The following SULF2 variants were observed in gnomAD, a reference collection of about 807,000 sequenced individuals.
SULF2 encodes extracellular sulfatase Sulf-2.
Under a neutral mutation model 107.7 loss-of-function variants are expected in SULF2, and 52 were observed. That is an observed-to-expected ratio of 0.48 (90% confidence interval 0.39 to 0.61). The LOEUF (loss-of-function observed/expected upper bound fraction) is 0.61, where lower values mean the gene tolerates loss of function less well. Ranked by LOEUF, SULF2 falls within the 20% of genes least tolerant of loss-of-function variation. The pLI, the probability that SULF2 is intolerant of heterozygous loss-of-function variation, is 0.00. For missense variants in SULF2, 993 were observed against 1,177.3 expected (o/e 0.84, Z 2.29); for synonymous variants, 460 against 464.3 (o/e 0.99, Z 0.12).
intron 17 of SULF2, among the ~76,000 whole-genome samples, chr20:47,662,606 T>A (rs2087113127): frequency 1.3e-5 from 2 of 152,296 alleles, no homozygotes; most frequent in South Asian, 4.1e-4. Flanking sequence ...CTTTTGGTCT[T>A]GTGTGGTCCT....
intron 3 of SULF2, among the ~76,000 whole-genome samples, chr20:47,728,409 G>C (rs1379898727): frequency 1.3e-5 from 2 of 152,128 alleles, no homozygotes; most frequent in African/African-American, 4.8e-5. Context: ...AGGCTGAGAA[G>C]AAAGAGGAGG....
chr20:47,745,616 C>T (rs925648975), intron 2 of SULF2, among the ~76,000 whole-genome samples: 3 of 151,622 alleles, frequency 2.0e-5, no homozygotes, highest in Admixed American at 6.6e-5. Flanking sequence ...GCAACCTCTG[C>T]CTCCTGGGTT....
intron 8 of SULF2, among the ~76,000 whole-genome samples, 156 bp from the exon 9 acceptor site, chr20:47,677,290 T>C (rs1046590113): frequency 1.3e-5 from 2 of 152,062 alleles, no homozygotes; most frequent in African/African-American, 2.4e-5. Context: ...CACTAGAGCA[T>C]TGCCCACCCT....
chr20:47,711,176 C>A (rs955479528), intron 3 of SULF2, among the ~76,000 whole-genome samples: 5 of 152,224 alleles, frequency 3.3e-5, no homozygotes, highest in African/African-American at 1.2e-4. Context: ...CCATGCCGGG[C>A]CGGCGTAGGA....
chr20:47,733,361 C>G (rs2089658665), intron 3 of SULF2, among the ~76,000 whole-genome samples: 1 of 152,238 alleles, frequency 6.6e-6, no homozygotes, highest in Admixed American at 6.5e-5. Context: ...CTTGTGCCAT[C>G]CATTTCAATT....
At chr20:47,686,600 G>A (rs1027417560) in intron 5 of SULF2, among the ~76,000 whole-genome samples, 9 of 152,240 alleles carry the variant, frequency 5.9e-5, no homozygotes, top group Admixed American at 6.5e-5. Flanking sequence ...AAGAAGAGGA[G>A]GAAAAACAAG....
chr20:47,671,698 T>C (rs1206353035), intron 11 of SULF2, among the ~76,000 whole-genome samples: 1 of 152,124 alleles, frequency 6.6e-6, no homozygotes, highest in Non-Finnish European at 1.5e-5. Flanking sequence ...AGCCAATCAA[T>C]ACAGAACCTT....
chr20:47,686,720 G>A (rs2088016532), intron 5 of SULF2, among the ~76,000 whole-genome samples: 1 of 152,212 alleles, frequency 6.6e-6, no homozygotes, highest in African/African-American at 2.4e-5. Flanking sequence ...GCTGCCGCTG[G>A]GGTAGCTTGG....
intron 3 of SULF2, among the ~76,000 whole-genome samples, chr20:47,704,820 G>A (rs1330157322): frequency 6.6e-6 from 1 of 152,206 alleles, no homozygotes; most frequent in Non-Finnish European, 1.5e-5. Context: ...GCTTGGCCGA[G>A]AAGCCAGGAT....
In SULF2 at chr20:47,690,140, G is replaced by A. The variant is rs762972808; in HGVS notation, c.723C>T (p.Asn241=). 1.4e-4 allele frequency: 216 copies of A among 1,504,006 alleles called. No homozygotes were observed. Among genetic ancestry groups the A allele is most frequent in the Non-Finnish European group, 1.8e-4 (203 of 1,119,680 alleles). 93.2% of individuals were successfully genotyped at this position (1,504,006 alleles called of 1,614,324 possible). A position where few individuals can be genotyped will look rare whatever the true frequency, so the allele number is the denominator to read the frequency against. ...CTGAGGCTTACATGTGCTGAGATGC[G>A]TTTGGGAAGAGGCGTGAATATTGTG... ...SAPQYSRLFP[N]ASQHITPSYN... The change falls in exon 5 of 21, where the codon AAC becomes AAT. Residue 241 remains asparagine, a synonymous_variant. Transcript: ENST00000688720.
chr20:47,684,596 C>T lies in SULF2; in HGVS notation c.738-15G>A, dbSNP rs1406403081. 2.5e-6 allele frequency: 4 copies of T among 1,611,346 alleles called. No individual in the cohort carries two copies. The highest frequency in any genetic ancestry group is 8.5e-7 in the Non-Finnish European group (1 of 1,178,432). ...AGCTCGGCGTGCTGGTGGGCAAGGA[C>T]ATACACATCGGTCAAACCCAGGGAC... On this transcript the variant is annotated splice_polypyrimidine_tract_variant and intron_variant, in intron 5 of 20. Transcript: ENST00000688720.
At chr20:47,660,122 A>G (rs1259992358) in intron 18 of SULF2, among the ~76,000 whole-genome samples, 1 of 152,218 alleles carries the variant, frequency 6.6e-6, no homozygotes, top group Non-Finnish European at 1.5e-5. Context: ...TTTCCCGAGG[A>G]TGTGGCAGGA....
chr20:47,773,525 C>G (rs1160418705), intron 1 of SULF2, among the ~76,000 whole-genome samples: 1 of 152,228 alleles, frequency 6.6e-6, no homozygotes, highest in Admixed American at 6.5e-5. Context: ...GCTGGACACC[C>G]CTTTGCCCCA....
intron 3 of SULF2, among the ~76,000 whole-genome samples, chr20:47,715,754 G>A (rs2089097983): frequency 6.6e-6 from 1 of 152,040 alleles, no homozygotes; most frequent in African/African-American, 2.4e-5. Flanking sequence ...GCTAATTTTT[G>A]TATTGTTAGT....
At chr20:47,673,497 C>T (rs572295655) in intron 10 of SULF2, among the ~76,000 whole-genome samples, 15 of 152,238 alleles carry the variant, frequency 9.9e-5, no homozygotes, top group Non-Finnish European at 1.5e-5. Flanking sequence ...CCATCCCCCC[C>T]AACCCTCTGC....
At chr20:47,669,355 G>A (rs1455209359) in intron 11 of SULF2, among the ~76,000 whole-genome samples, 3 of 152,098 alleles carry the variant, frequency 2.0e-5, no homozygotes, top group South Asian at 2.1e-4. Flanking sequence ...TTACCACTGC[G>A]GACACTTTGG....
intron 4 of SULF2, among the ~76,000 whole-genome samples, chr20:47,696,692 G>T (rs1307901972): frequency 2.2e-4 from 34 of 152,168 alleles, no homozygotes; most frequent in Non-Finnish European, 2.9e-5. Context: ...GCAGTAAGGA[G>T]TGTGGTGGGG....
At chr20:47,662,661 A>G (rs1239819208) in intron 17 of SULF2, among the ~76,000 whole-genome samples, 1 of 152,178 alleles carries the variant, frequency 6.6e-6, no homozygotes. Flanking sequence ...TACTGTACGG[A>G]AGCACTTAGC....
intron 3 of SULF2, among the ~76,000 whole-genome samples, chr20:47,732,064 C>CTAT (rs1205031586): frequency 0.01 from 1,530 of 152,024 alleles, 13 homozygotes; most frequent in Non-Finnish European, 0.015. Flanking sequence ...TTTTTTATTA[C>CTAT]TGTTTTTTAA....
Sources: allele counts gnomAD v4.1 joint callset (sites outside exome capture counted in the v4.1 genomes callset), GRCh38; gene constraint gnomAD v4.1.1; transcripts MANE v1.5; gene names NCBI Gene and HGNC (gene_info 2026-07-23, HGNC 2026-07-21).